Variants in KCNIP4 observed in about 807,000 individuals in gnomAD.
KCNIP4 encodes Kv channel-interacting protein 4.
A neutral mutation model predicts 34.0 loss-of-function variants in KCNIP4; 12 were observed. The ratio of observed to expected loss-of-function variants is 0.35; its 90% CI spans 0.23 to 0.57. KCNIP4 has a LOEUF of 0.57. Among genes scored for constraint, KCNIP4 ranks in the 20% least tolerant of loss-of-function variants. KCNIP4 has a pLI of 0.83. For synonymous variants in KCNIP4, 124 were observed against 102.2 expected (o/e 1.21, Z -1.29); for missense variants, 238 against 311.7 (o/e 0.76, Z 1.78).
chr4:21,084,361 T>G (rs9968435), intron 1 of KCNIP4, among the ~76,000 whole-genome samples: 3,759 of 151,674 alleles, frequency 0.025, 198 homozygotes, highest in African/African-American at 0.084. Context: ...ATATCTTAAA[T>G]TAGATTGTTC....
At chr4:21,589,235 G>T (rs566669049) in intron 1 of KCNIP4, among the ~76,000 whole-genome samples, 7,559 of 109,930 alleles carry the variant, frequency 0.069, 543 homozygotes, top group African/African-American at 0.14. Context: ...TATCTATACA[G>T]ATACATATAT....
At chr4:21,159,060 C>G (rs1048896080) in intron 1 of KCNIP4, among the ~76,000 whole-genome samples, 1 of 152,086 alleles carries the variant, frequency 6.6e-6, no homozygotes, top group Non-Finnish European at 1.5e-5. Flanking sequence ...AAAATCCAAA[C>G]CAAACTCACA....
intron 1 of KCNIP4, among the ~76,000 whole-genome samples, chr4:21,562,026 A>G (rs1319007429): frequency 2.0e-5 from 3 of 151,892 alleles, no homozygotes; most frequent in Admixed American, 2.0e-4. Flanking sequence ...TTTTCCTGAA[A>G]CTATCCAATT....
intron 1 of KCNIP4, among the ~76,000 whole-genome samples, chr4:21,035,705 G>A (rs770517968): frequency 4.6e-5 from 7 of 152,130 alleles, no homozygotes; most frequent in Non-Finnish European, 8.8e-5. Context: ...GATTGTAGTG[G>A]GTACTGTTGG....
chr4:20,811,508 T>C (rs992201193), intron 3 of KCNIP4, among the ~76,000 whole-genome samples: 1 of 98,750 alleles, frequency 1.0e-5, no homozygotes, highest in Non-Finnish European at 2.2e-5. Context: ...TGTGTGTGTG[T>C]GTGTGTGCGC....
chr4:21,695,433 T>C (rs1398568757), intron 1 of KCNIP4, among the ~76,000 whole-genome samples: 4 of 151,930 alleles, frequency 2.6e-5, no homozygotes, highest in African/African-American at 9.6e-5. Flanking sequence ...GCTTCTTCTT[T>C]TTTTTTTTCC....
chr4:21,642,392 C>T (rs1273070771), intron 1 of KCNIP4, among the ~76,000 whole-genome samples: 1 of 151,998 alleles, frequency 6.6e-6, no homozygotes, highest in Non-Finnish European at 1.5e-5. Context: ...GTGGAATGAC[C>T]TTTTGAAGAC....
In KCNIP4 at chr4:20,864,327, CATAT is replaced by C. The variant is rs200082428; in HGVS notation, c.164-13664_164-13661del. 3.3e-3 allele frequency among the ~76,000 whole-genome samples: 494 copies of C among 150,692 alleles called. 5 individuals carry two copies. The highest frequency in any genetic ancestry group is 0.012 in the African/African-American group (475 of 41,072). ...ATGCATATATACATACGTTTATATG[CATAT>C]GTATGTAAACATGTATGTATAACAT... On this transcript the variant is annotated intron_variant, in intron 2 of 8. Transcript: ENST00000382152.
At chr4:21,056,722 C>T (rs1263199725) in intron 1 of KCNIP4, among the ~76,000 whole-genome samples, 2 of 152,134 alleles carry the variant, frequency 1.3e-5, no homozygotes, top group Non-Finnish European at 2.9e-5. Context: ...ACCTGAAACC[C>T]TCTGAAGGCT....
At chr4:21,570,152 G>C (rs1740252736) in intron 1 of KCNIP4, among the ~76,000 whole-genome samples, 1 of 152,100 alleles carries the variant, frequency 6.6e-6, no homozygotes. Context: ...AATCTACCCA[G>C]AGATGGCTGA....
chr4:20,755,362 A>G (rs1578540720), intron 4 of KCNIP4, among the ~76,000 whole-genome samples: 1 of 152,334 alleles, frequency 6.6e-6, no homozygotes, highest in Admixed American at 6.5e-5. Context: ...GAAACAACTA[A>G]TACTTAAGTG....
chr4:20,912,586 G>T (rs750817615), intron 1 of KCNIP4, among the ~76,000 whole-genome samples: 1 of 152,148 alleles, frequency 6.6e-6, no homozygotes, highest in Admixed American at 6.5e-5. Flanking sequence ...TATCAAGAAA[G>T]TGAAAAGACA....
At chr4:21,373,681 C>T (rs1433694037) in intron 1 of KCNIP4, among the ~76,000 whole-genome samples, 1 of 147,036 alleles carries the variant, frequency 6.8e-6, no homozygotes, top group Admixed American at 6.6e-5. Context: ...TTGGGTTTCT[C>T]ATTTTCATTT....
At chr4:21,195,656 T>A (rs1756002277) in intron 1 of KCNIP4, among the ~76,000 whole-genome samples, 2 of 152,236 alleles carry the variant, frequency 1.3e-5, no homozygotes, top group African/African-American at 4.8e-5. Context: ...AAGGAACCAA[T>A]AACAAAGTTA....
intron 1 of KCNIP4, among the ~76,000 whole-genome samples, chr4:21,657,242 G>A (rs987034864): frequency 6.6e-5 from 10 of 151,856 alleles, no homozygotes; most frequent in Non-Finnish European, 1.0e-4. Flanking sequence ...TTGCTTTTTC[G>A]TTATTTTATT....
intron 1 of KCNIP4, among the ~76,000 whole-genome samples, chr4:21,504,900 T>A (rs1415325204): frequency 6.6e-6 from 1 of 152,230 alleles, no homozygotes; most frequent in East Asian, 1.9e-4. Flanking sequence ...TTGTTGTGAA[T>A]TCAACAATCC....
intron 1 of KCNIP4, among the ~76,000 whole-genome samples, chr4:21,816,202 T>G (rs1252233892): frequency 6.6e-6 from 1 of 152,182 alleles, no homozygotes; most frequent in Non-Finnish European, 1.5e-5. Context: ...GAAGGGACAC[T>G]GCAAAAATGT....
chr4:21,092,195 C>T (rs1227793051), intron 1 of KCNIP4, among the ~76,000 whole-genome samples: 10 of 151,974 alleles, frequency 6.6e-5, no homozygotes, highest in Non-Finnish European at 1.5e-4. Context: ...CTTAAAGATG[C>T]TTCCAAGAAT....
At chr4:20,840,245 G>A (rs771736519) in intron 3 of KCNIP4, among the ~76,000 whole-genome samples, 17 of 152,070 alleles carry the variant, frequency 1.1e-4, no homozygotes, top group Admixed American at 3.3e-4. Flanking sequence ...TACCCCATGT[G>A]CCTTTTCCCT....
Sources: allele counts gnomAD v4.1 joint callset (sites outside exome capture counted in the v4.1 genomes callset), GRCh38; gene constraint gnomAD v4.1.1; transcripts MANE v1.5; gene names NCBI Gene and HGNC (gene_info 2026-07-23, HGNC 2026-07-21).